KIAA0319: variants seen among roughly 807,000 people sequenced by gnomAD.
The protein encoded by KIAA0319 is dyslexia-associated protein KIAA0319.
KIAA0319 carries 83 observed loss-of-function variants against 108.4 expected under a neutral mutation model. The ratio of observed to expected loss-of-function variants is 0.77; its 90% CI spans 0.64 to 0.92. The LOEUF is 0.92. Among genes scored for constraint, KIAA0319 ranks in the 40% least tolerant of loss-of-function variants. The pLI, the probability that KIAA0319 is intolerant of heterozygous loss-of-function variation, is 0.00. For missense variants in KIAA0319, 1,195 were observed against 1,322.4 expected (o/e 0.90, Z 1.49); for synonymous variants, 484 against 510.4 (o/e 0.95, Z 0.70).
At chr6:24,549,326 C>CAAAAA (rs35975247) in intron 20 of KIAA0319, among the ~76,000 whole-genome samples, 4 of 115,594 alleles carry the variant, frequency 3.5e-5, no homozygotes, top group Non-Finnish European at 3.4e-5. Context: ...ACTCTGTCTC[C>CAAAAA]AAAAAAAAAA....
chr6:24,579,724 A>G, intron 8 of KIAA0319, 134 bp downstream of exon 8: 1 of 651,410 alleles, frequency 1.5e-6, no homozygotes, highest in South Asian at 2.1e-5. Flanking sequence ...AAGAAGACAT[A>G]AAACTAAAGA....
chr6:24,606,947 T>C (rs1771495827), intron 1 of KIAA0319, among the ~76,000 whole-genome samples: 2 of 152,238 alleles, frequency 1.3e-5, no homozygotes, highest in Non-Finnish European at 2.9e-5. Flanking sequence ...TGGAAGGAGC[T>C]GGGTCCTTGA....
chr6:24,613,692 C>CA (rs763644690), intron 1 of KIAA0319, among the ~76,000 whole-genome samples: 1 of 147,222 alleles, frequency 6.8e-6, no homozygotes, highest in Non-Finnish European at 1.5e-5. Flanking sequence ...AAAAAAAAAA[C>CA]AAAATGAGGG....
chr6:24,595,977 T>G lies in KIAA0319; in HGVS notation c.697A>C (p.Ser233Arg), dbSNP rs376642627. Reference protein sequence around the residue: ...STPAPKLPERSVLLPLPTTPS... With the variant: ...STPAPKLPERRVLLPLPTTPS... ...GTAGTCGGCAAGGGAAGCAACACACTTCTCTCAGGGAGTTTTGGGGCAGGG... is the reference window on the plus strand; with the variant it reads ...GTAGTCGGCAAGGGAAGCAACACACGTCTCTCAGGGAGTTTTGGGGCAGGG... Residue 233 changes from serine (S) to arginine (R), a missense_variant, in exon 3 of 21, where the codon AGT becomes CGT. Physicochemically the swap from Ser to Arg is moderately radical, Grantham distance 110 (BLOSUM62 -1). Transcript: ENST00000378214. The G allele has an allele frequency of 1.2e-6, 2 of 1,614,086 alleles. No homozygotes were observed. Among genetic ancestry groups the G allele is most frequent in the African/African-American group, 1.3e-5 (1 of 74,936 alleles).
intron 19 of KIAA0319, among the ~76,000 whole-genome samples, chr6:24,553,331 A>G (rs1272885579): frequency 4.4e-3 from 319 of 72,406 alleles, no homozygotes; most frequent in Non-Finnish European, 7.0e-3. Context: ...ACACACACAC[A>G]CACACGCACA....
At chr6:24,566,283 A>G (rs989441645) in intron 14 of KIAA0319, among the ~76,000 whole-genome samples, 2 of 152,112 alleles carry the variant, frequency 1.3e-5, no homozygotes, top group Non-Finnish European at 2.9e-5. Context: ...TAGGCCCCTG[A>G]TCCAATAGGA....
In KIAA0319 at chr6:24,553,294, TACACACACAC is replaced by T. The variant is rs71544276; in HGVS notation, c.2948+1237_2948+1246del. On this transcript the variant is annotated intron_variant, in intron 19 of 20. Transcript: ENST00000378214. The stretch of plus-strand genomic sequence containing the variant: ...AGATAGATATATATATATATATATA[TACACACACAC>T]ACACACACACACACACACACACACA... Among the ~76,000 whole-genome samples the T allele has an allele frequency of 2.3e-3, 212 of 91,044 alleles. 2 individuals are homozygous for T. Among genetic ancestry groups the T allele is most frequent in the African/African-American group, 8.1e-3 (169 of 20,902 alleles). The allele number at this position is 91,044 out of a possible 152,430, so 59.7% of individuals were successfully genotyped here.
intron 1 of KIAA0319, among the ~76,000 whole-genome samples, chr6:24,613,717 C>G (rs1357414804): frequency 1.3e-5 from 2 of 149,734 alleles, no homozygotes; most frequent in Admixed American, 6.7e-5. Context: ...ACCTAGAAAA[C>G]AAACCACTGA....
intron 2 of KIAA0319, among the ~76,000 whole-genome samples, chr6:24,597,102 T>C (rs924214958): frequency 2.0e-5 from 3 of 152,164 alleles, no homozygotes; most frequent in Non-Finnish European, 2.9e-5. Flanking sequence ...CACCCTTCCT[T>C]CCATTTGTTA....
intron 1 of KIAA0319, among the ~76,000 whole-genome samples, chr6:24,636,492 A>C (rs1776219389): frequency 6.6e-6 from 1 of 152,248 alleles, no homozygotes; most frequent in Non-Finnish European, 1.5e-5. Flanking sequence ...AAGAAGAATA[A>C]GACATCACTT....
intron 11 of KIAA0319, among the ~76,000 whole-genome samples, chr6:24,572,210 T>C (rs1764823251): frequency 6.6e-6 from 1 of 152,214 alleles, no homozygotes. Flanking sequence ...AAACTATTAA[T>C]GAACAGTGAC....
At chr6:24,568,973 G>A (rs369361045) in intron 12 of KIAA0319, 44 bp from the exon 13 acceptor site, 60 of 1,592,372 alleles carry the variant, frequency 3.8e-5, no homozygotes, top group African/African-American at 3.0e-4. Flanking sequence ...GGGGCATGGG[G>A]TTTTGAATAT....
chr6:24,582,197 C>G (rs1766667918), intron 6 of KIAA0319, 52 bp downstream of exon 6: 1 of 1,010,416 alleles, frequency 9.9e-7, no homozygotes, highest in South Asian at 1.3e-5. Flanking sequence ...ATTAACTGAG[C>G]TCTATGCCGT....
downstream of KIAA0319, among the ~76,000 whole-genome samples, chr6:24,540,986 A>G (rs923444896): frequency 3.3e-5 from 5 of 152,180 alleles, no homozygotes; most frequent in African/African-American, 4.8e-5. Context: ...GATCACATCA[A>G]TAGTTAGATT....
chr6:24,580,406 G>A (rs1766315144), intron 7 of KIAA0319, among the ~76,000 whole-genome samples: 1 of 150,414 alleles, frequency 6.6e-6, no homozygotes, highest in Admixed American at 6.7e-5. Context: ...ACCTTGATTG[G>A]GTCGGTTGTG....
Position 24,599,084 on chromosome 6 carries a change from G to A in KIAA0319, c.55+1965C>T, listed in dbSNP as rs1770204483. ...AGTCCCAGATCTGGGACACATCTGT[G>A]GTGCTGTCCATGGACAACAGCTGGT... is the stretch of plus-strand genomic sequence containing the variant. On this transcript the variant is annotated intron_variant, in intron 2 of 20. Transcript: ENST00000378214. This position sits in a 1 kb window ranked among gnomAD's most constrained non-coding sequence, Gnocchi z 4.1. 1.4e-6 allele frequency: 1 copy of A among 725,674 alleles called. No homozygotes were observed. The highest frequency in any genetic ancestry group is 2.4e-6 in the Non-Finnish European group (1 of 413,832). 45.0% of individuals were successfully genotyped at this position (725,674 alleles called of 1,614,324 possible). A position where few individuals can be genotyped will look rare whatever the true frequency, so the allele number is the denominator to read the frequency against.
intron 10 of KIAA0319, among the ~76,000 whole-genome samples, chr6:24,573,224 C>T (rs1189796972): frequency 6.6e-6 from 1 of 152,174 alleles, no homozygotes; most frequent in Non-Finnish European, 1.5e-5. Context: ...AGTATGAAAA[C>T]AGCTATTAAA....
chr6:24,643,995 T>TA (rs1185874568), intron 1 of KIAA0319, among the ~76,000 whole-genome samples: 1 of 152,366 alleles, frequency 6.6e-6, no homozygotes, highest in African/African-American at 2.4e-5. Context: ...GAAACGGGCA[T>TA]ACCTGGCTCT....
intron 1 of KIAA0319, among the ~76,000 whole-genome samples, chr6:24,624,071 C>T (rs1294233137): frequency 8.2e-6 from 1 of 121,684 alleles, no homozygotes; most frequent in Non-Finnish European, 1.6e-5. Flanking sequence ...ATCACGCAGG[C>T]TGGAGTGCAG....
Sources: allele counts gnomAD v4.1 joint callset (sites outside exome capture counted in the v4.1 genomes callset), GRCh38; gene constraint gnomAD v4.1.1; non-coding constraint Gnocchi (gnomAD v3.1); transcripts MANE v1.5; gene names NCBI Gene and HGNC (gene_info 2026-07-23, HGNC 2026-07-21).